LZTS1: variants seen among roughly 807,000 people sequenced by gnomAD.
LZTS1 encodes leucine zipper putative tumor suppressor 1.
In LZTS1, 31 loss-of-function variants were observed where a neutral mutation model predicts 45.8. The ratio of observed to expected loss-of-function variants is 0.68; its 90% CI spans 0.51 to 0.91. The LOEUF is 0.91. Ranked by LOEUF, LZTS1 falls within the 40% of genes least tolerant of loss-of-function variation. LZTS1 has a pLI of 0.00. For synonymous variants in LZTS1, 359 were observed against 357.3 expected (o/e 1.00, Z -0.05); for missense variants, 821 against 788.9 (o/e 1.04, Z -0.49).
chr8:20,300,421 C>A (rs560293177), intron 1 of LZTS1, among the ~76,000 whole-genome samples: 1 of 152,222 alleles, frequency 6.6e-6, no homozygotes, highest in Non-Finnish European at 1.5e-5. Flanking sequence ...CAAGCTCCCC[C>A]TCCCGGGTTC....
Position 20,303,788 on chromosome 8 carries a change from GT to G in LZTS1, c.-184del. 1.0e-6 allele frequency: 1 copy of G among 984,346 alleles called. No individual in the cohort carries two copies. The highest frequency in any genetic ancestry group is 1.2e-6 in the Non-Finnish European group (1 of 829,786). The allele number at this position is 984,346 out of a possible 1,614,324, so 61.0% of individuals were successfully genotyped here. ...CTTGAGACTTTTTTTTTTTCCCAGT[GT>G]TTCCCGGTGTGTTCCCGTCTCTCTT... On this transcript the variant is annotated 5_prime_UTR_variant, in exon 1 of 4. Transcript: ENST00000381569.
chr8:20,300,821 G>GT (rs1352650964), intron 1 of LZTS1, among the ~76,000 whole-genome samples: 31 of 152,112 alleles, frequency 2.0e-4, no homozygotes, highest in African/African-American at 6.7e-4. Flanking sequence ...GATCCCTATG[G>GT]TTAAAACCCA....
chr8:20,253,374 C>A lies in LZTS1; in HGVS notation c.557G>T (p.Ser186Ile). The A allele has an allele frequency of 6.2e-7, 1 of 1,613,330 alleles. No individual in the cohort carries two copies. The highest frequency in any genetic ancestry group is 1.1e-5 in the South Asian group (1 of 91,028). Residue 186 changes from serine (S) to isoleucine (I), a missense_variant, in exon 3 of 4, where the codon AGC (serine) becomes ATC (isoleucine). Coordinates refer to ENST00000381569, the MANE Select transcript of LZTS1 (RefSeq NM_021020.5). Reference protein sequence around the residue: ...RNSMSSLPTHSTSSSYQLDPL... With the variant: ...RNSMSSLPTHITSSSYQLDPL... Reference sequence around the variant, plus strand: ...GTCCAGCTGGTAGCTGCTGCTGGTGCTGTGTGTGGGCAGGCTGGACATGGA... The same window carrying A: ...GTCCAGCTGGTAGCTGCTGCTGGTGATGTGTGTGGGCAGGCTGGACATGGA...
intron 1 of LZTS1, among the ~76,000 whole-genome samples, chr8:20,295,069 C>A (rs934633088): frequency 6.6e-6 from 1 of 152,112 alleles, no homozygotes; most frequent in Non-Finnish European, 1.5e-5. Context: ...TCTAACCTCT[C>A]CCTGGGTGCC....
At chr8:20,256,987 AG>A (rs1372806871) in intron 1 of LZTS1, among the ~76,000 whole-genome samples, 3 of 152,166 alleles carry the variant, frequency 2.0e-5, no homozygotes, top group African/African-American at 7.2e-5. Context: ...AGAGCAGCAG[AG>A]AAGGTTTTCA....
At chr8:20,297,941 T>C (rs907025357) in intron 1 of LZTS1, among the ~76,000 whole-genome samples, 6 of 152,222 alleles carry the variant, frequency 3.9e-5, no homozygotes, top group African/African-American at 4.8e-5. Flanking sequence ...ATCCATTTAA[T>C]TGGTGAACCC....
chr8:20,279,479 C>G (rs748806913), intron 1 of LZTS1, among the ~76,000 whole-genome samples: 2 of 152,030 alleles, frequency 1.3e-5, no homozygotes, highest in Non-Finnish European at 2.9e-5. Flanking sequence ...TTGAGAGAAT[C>G]GCCTGAGGCC....
chr8:20,301,249 A>C (rs1234763007), intron 1 of LZTS1, among the ~76,000 whole-genome samples: 1 of 152,170 alleles, frequency 6.6e-6, no homozygotes, highest in African/African-American at 2.4e-5. Context: ...ACATGGACAG[A>C]GCCAGGGTCC....
chr8:20,299,354 T>G (rs899733640), intron 1 of LZTS1, among the ~76,000 whole-genome samples: 1 of 152,250 alleles, frequency 6.6e-6, no homozygotes, highest in Non-Finnish European at 1.5e-5. Flanking sequence ...TGCCTCCTGC[T>G]GAGAAACTGC....
chr8:20,277,656 A>G (rs530327491), intron 1 of LZTS1, among the ~76,000 whole-genome samples: 2 of 152,328 alleles, frequency 1.3e-5, no homozygotes, highest in South Asian at 4.1e-4. Flanking sequence ...AGGCTGATCT[A>G]TGAGTTGGAG....
chr8:20,288,489 G>A (rs1455407118), intron 1 of LZTS1, among the ~76,000 whole-genome samples: 1 of 152,164 alleles, frequency 6.6e-6, no homozygotes, highest in Non-Finnish European at 1.5e-5. Context: ...ATGGGACGAT[G>A]TACGACACAC....
In LZTS1 at chr8:20,249,473, C is replaced by T. The variant is rs1799822356; in HGVS notation, c.*249G>A. 1.8e-6 allele frequency: 1 copy of T among 558,486 alleles called. No homozygotes were observed. The highest frequency in any genetic ancestry group is 1.9e-5 in the African/African-American group (1 of 53,106). 34.6% of individuals were successfully genotyped at this position (558,486 alleles called of 1,614,324 possible). Reference sequence around the variant, plus strand: ...GGAGCCCTTAACCAAAGCAGACAGACCCCTGGACCCATCTCCTGGGAAAGC... The same window carrying T: ...GGAGCCCTTAACCAAAGCAGACAGATCCCTGGACCCATCTCCTGGGAAAGC... On this transcript the variant is annotated 3_prime_UTR_variant, in exon 4 of 4. Coordinates refer to ENST00000381569, the MANE Select transcript of LZTS1 (RefSeq NM_021020.5).
At chr8:20,292,559 C>G (rs1800917590) in intron 1 of LZTS1, among the ~76,000 whole-genome samples, 1 of 152,218 alleles carries the variant, frequency 6.6e-6, no homozygotes, top group African/African-American at 2.4e-5. Context: ...GCCTCAAGCA[C>G]TCAGAGAAAC....
intron 1 of LZTS1, among the ~76,000 whole-genome samples, chr8:20,280,426 A>T (rs2128897192): frequency 6.6e-6 from 1 of 152,222 alleles, no homozygotes; most frequent in South Asian, 2.1e-4. Context: ...CCCCCTTACA[A>T]CTTGCTCATT....
intron 1 of LZTS1, among the ~76,000 whole-genome samples, chr8:20,265,907 G>A (rs1253808300): frequency 1.3e-5 from 2 of 152,082 alleles, no homozygotes; most frequent in Non-Finnish European, 2.9e-5. Context: ...CTTTTCAGGG[G>A]TGAAAGTCTG....
chr8:20,297,568 C>T (rs1800997507), intron 1 of LZTS1, among the ~76,000 whole-genome samples: 1 of 152,252 alleles, frequency 6.6e-6, no homozygotes, highest in East Asian at 1.9e-4. Context: ...GCGTGCACCA[C>T]CATGCCCAGC....
intron 1 of LZTS1, among the ~76,000 whole-genome samples, chr8:20,292,415 G>A (rs1800915082): frequency 6.6e-6 from 1 of 152,222 alleles, no homozygotes; most frequent in African/African-American, 2.4e-5. Context: ...CTTAAGCTGT[G>A]CACATATGAG....
intron 1 of LZTS1, among the ~76,000 whole-genome samples, chr8:20,297,084 G>A (rs1800990474): frequency 6.6e-6 from 1 of 152,268 alleles, no homozygotes; most frequent in Non-Finnish European, 1.5e-5. Flanking sequence ...GCCTCCATGT[G>A]TGATTGCCCC....
intron 1 of LZTS1, among the ~76,000 whole-genome samples, chr8:20,264,670 G>A (rs1329423116): frequency 2.6e-5 from 4 of 152,188 alleles, no homozygotes; most frequent in African/African-American, 9.7e-5. Context: ...GTACAGAGGA[G>A]CCCCCTGCTC....
Sources: allele counts gnomAD v4.1 joint callset (sites outside exome capture counted in the v4.1 genomes callset), GRCh38; gene constraint gnomAD v4.1.1; transcripts MANE v1.5; gene names NCBI Gene and HGNC (gene_info 2026-07-23, HGNC 2026-07-21).